The following RHBDD1 variants were observed in gnomAD, a reference collection of about 807,000 sequenced individuals.
RHBDD1 encodes rhomboid-related protein 4.
A neutral mutation model predicts 36.3 loss-of-function variants in RHBDD1; 38 were observed. That is an observed-to-expected ratio of 1.05 (90% CI 0.81 to 1.37). RHBDD1 has a LOEUF of 1.37. Ranked by LOEUF, RHBDD1 falls within the 40% of genes most tolerant of loss-of-function variation. RHBDD1 has a pLI of 0.00. For synonymous variants in RHBDD1, 151 were observed against 136.5 expected (o/e 1.11, Z -0.74); for missense variants, 393 against 377.6 (o/e 1.04, Z -0.34).
At chr2:226,837,509 A>C (rs771187144) in intron 1 of RHBDD1, 6 of 152,086 alleles carry the variant, frequency 3.9e-5, no homozygotes, top group Non-Finnish European at 8.8e-5. Flanking sequence ...TTTATGTTGA[A>C]GAGTAGTTTT....
At chr2:226,800,494 T>C in the RHBDD1 span, among the ~76,000 whole-genome samples, 1 of 152,060 alleles carries the variant, frequency 6.6e-6, no homozygotes, top group Non-Finnish European at 1.5e-5. Context: ...CCAGGAAGTG[T>C]CTCACGTCCG....
chr2:226,957,630 A>G (rs569225308), intron 8 of RHBDD1, among the ~76,000 whole-genome samples: 1 of 152,264 alleles, frequency 6.6e-6, no homozygotes, highest in South Asian at 2.1e-4. Context: ...TTAGGAGAAA[A>G]TATTTGCAAA....
intron 8 of RHBDD1, among the ~76,000 whole-genome samples, chr2:226,972,209 G>T (rs1278543144): frequency 2.6e-5 from 4 of 152,168 alleles, no homozygotes; most frequent in East Asian, 1.9e-4. Context: ...TTAGTTTGCT[G>T]AGAATGATGG....
chr2:226,870,508 C>T lies in RHBDD1; in HGVS notation c.566+3190C>T, dbSNP rs550218431. On this transcript the variant is annotated intron_variant, in intron 5 of 8. Coordinates refer to ENST00000392062, the MANE Select transcript of RHBDD1 (RefSeq NM_001167608.3). ...AAAATGCCCATAAGCCACTCTTAAA[C>T]ACTAAATAAGCAAGCCTTGGCTGCA... Among the ~76,000 whole-genome samples, 3 of 152,278 alleles carry T rather than the reference C, an allele frequency of 2.0e-5. No individual in the cohort carries two copies. In the South Asian group the frequency reaches 6.2e-4, roughly 32 times the overall value.
chr2:226,905,116 G>C (rs963342155), intron 5 of RHBDD1, among the ~76,000 whole-genome samples: 1 of 151,368 alleles, frequency 6.6e-6, no homozygotes, highest in Non-Finnish European at 1.5e-5. Context: ...TCTGGAATGA[G>C]AGGTCACTAT....
rs1575140768 is a variant in RHBDD1 at position 226,930,502 on chromosome 2, G to C, written c.856+16151G>C. 2.0e-5 allele frequency among the ~76,000 whole-genome samples: 3 copies of C among 151,844 alleles called. No homozygotes were observed. In the Middle Eastern group the frequency reaches 0.01, roughly 516 times the overall value. ...CCATATAAAAAATTAAAATCAATTA[G>C]AGACTTAAATCTTAAGACCTGAAAC... On this transcript the variant is annotated intron_variant, in intron 8 of 8. Coordinates refer to ENST00000392062, the MANE Select transcript of RHBDD1 (RefSeq NM_001167608.3).
At chr2:226,931,820 AGATC>A (rs1217397903) in intron 8 of RHBDD1, among the ~76,000 whole-genome samples, 10 of 151,986 alleles carry the variant, frequency 6.6e-5, no homozygotes, top group Non-Finnish European at 8.8e-5. Flanking sequence ...TGGGTATTCT[AGATC>A]TTTTGCCTTT....
In RHBDD1 at chr2:226,974,772, T is replaced by TGAAC. The variant is rs532591775; in HGVS notation, c.857-20658_857-20655dup. Among the ~76,000 whole-genome samples, 521 of 152,262 alleles carry TGAAC rather than the reference T, an allele frequency of 3.4e-3. 4 individuals carry two copies. Among genetic ancestry groups the TGAAC allele is most frequent in the South Asian group, 6.6e-3 (32 of 4,816 alleles). ...GATACTCCCTGCAGGCTGAGAGTCGTGAACTGTACAGTGCTGAGAGTCGTG... is the reference window on the plus strand; with the variant it reads ...GATACTCCCTGCAGGCTGAGAGTCGTGAACGAACTGTACAGTGCTGAGAGTCGTG... On this transcript the variant is annotated intron_variant, in intron 8 of 8. Coordinates refer to ENST00000392062, the MANE Select transcript of RHBDD1 (RefSeq NM_001167608.3).
chr2:226,829,136 G>A, the RHBDD1 span, among the ~76,000 whole-genome samples: 4 of 152,090 alleles, frequency 2.6e-5, no homozygotes, highest in Non-Finnish European at 4.4e-5. Context: ...TTTGTTGAAA[G>A]ACTATCCTTT....
chr2:226,933,428 A>G (rs1950151846), intron 8 of RHBDD1, among the ~76,000 whole-genome samples: 1 of 152,090 alleles, frequency 6.6e-6, no homozygotes, highest in Admixed American at 6.6e-5. Flanking sequence ...GTTCTGAGAA[A>G]ACCTGAAAGT....
At chr2:226,905,055 A>G (rs1390742104) in intron 5 of RHBDD1, among the ~76,000 whole-genome samples, 3 of 151,834 alleles carry the variant, frequency 2.0e-5, no homozygotes, top group African/African-American at 2.4e-5. Flanking sequence ...CATAAAGGCT[A>G]TGTTCTTGGA....
At chr2:226,834,780 T>C (rs1007429250), upstream of RHBDD1, among the ~76,000 whole-genome samples, 1 of 151,970 alleles carries the variant, frequency 6.6e-6, no homozygotes, top group Non-Finnish European at 1.5e-5. Context: ...CCATACCAAA[T>C]AGTAAGATTT....
chr2:226,846,817 T>A (rs1212756101), intron 3 of RHBDD1, among the ~76,000 whole-genome samples: 1 of 150,268 alleles, frequency 6.7e-6, no homozygotes, highest in Non-Finnish European at 1.5e-5. Context: ...GGGATAATAA[T>A]GAATGACAAT....
chr2:226,970,220 A>G (rs1216644484), intron 8 of RHBDD1, among the ~76,000 whole-genome samples: 3 of 151,892 alleles, frequency 2.0e-5, no homozygotes, highest in Non-Finnish European at 4.4e-5. Flanking sequence ...TTTACCTACT[A>G]TTGTTGCTAG....
At chr2:226,973,754 C>T (rs1559329000) in intron 8 of RHBDD1, among the ~76,000 whole-genome samples, 1 of 152,146 alleles carries the variant, frequency 6.6e-6, no homozygotes, top group Non-Finnish European at 1.5e-5. Context: ...ATGAGAAGAG[C>T]CTTGACCTGC....
chr2:226,914,380 T>G, intron 8 of RHBDD1, 29 bp downstream of exon 8: 1 of 1,602,280 alleles, frequency 6.2e-7, no homozygotes. Context: ...TCAGTTATTT[T>G]AAAGCATACC....
chr2:226,838,312 A>C (rs911894775), intron 2 of RHBDD1, among the ~76,000 whole-genome samples, 158 bp downstream of exon 2: 1 of 152,210 alleles, frequency 6.6e-6, no homozygotes, highest in Non-Finnish European at 1.5e-5. Flanking sequence ...CTGCCACCAA[A>C]TTGGCACTGC....
intron 8 of RHBDD1, among the ~76,000 whole-genome samples, chr2:226,960,485 T>C (rs1952114578): frequency 6.6e-6 from 1 of 152,246 alleles, no homozygotes; most frequent in African/African-American, 2.4e-5. Flanking sequence ...TGTTACTTTA[T>C]ATTTAACTGG....
At chr2:226,803,274 A>G in the RHBDD1 span, among the ~76,000 whole-genome samples, 6 of 152,202 alleles carry the variant, frequency 3.9e-5, no homozygotes, top group East Asian at 1.2e-3. Flanking sequence ...TGGGGTAATA[A>G]GAGAGTACAA....
Sources: allele counts gnomAD v4.1 joint callset (sites outside exome capture counted in the v4.1 genomes callset), GRCh38; gene constraint gnomAD v4.1.1; transcripts MANE v1.5; gene names NCBI Gene and HGNC (gene_info 2026-07-23, HGNC 2026-07-21).